The following SH3TC2 variants were observed in gnomAD, a reference collection of about 807,000 sequenced individuals.
SH3TC2 encodes SH3 domain and tetratricopeptide repeats 2, also known as SH3 domain and tetratricopeptide repeat-containing protein 2.
SH3TC2 carries 87 observed loss-of-function variants against 124.5 expected under a neutral mutation model. That is an observed-to-expected ratio of 0.70 (90% CI 0.59 to 0.84). The LOEUF (loss-of-function observed/expected upper bound fraction) is 0.84. SH3TC2 is among the 40% of genes least tolerant of loss of function. The pLI is 0.00. For missense variants in SH3TC2, 1,536 were observed against 1,566.4 expected, an observed-to-expected ratio of 0.98 and a Z score of 0.33; for synonymous variants, 634 against 628.5, an observed-to-expected ratio of 1.01 and a Z score of -0.13.
At chr5:149,052,087 G>A (rs1754566861) in intron 2 of SH3TC2, 55 bp downstream of exon 2, 12 of 1,209,502 alleles carry the variant, frequency 9.9e-6, no homozygotes, top group Non-Finnish European at 1.5e-5. Flanking sequence ...AAGATAAAGA[G>A]GTTATCGCAA....
In SH3TC2 at chr5:148,998,122, T is replaced by C. The variant is rs1436587537; in HGVS notation, c.*6589A>G. On this transcript the variant is annotated 3_prime_UTR_variant, in exon 17 of 17. Coordinates refer to ENST00000515425, the MANE Select transcript of SH3TC2 (RefSeq NM_024577.4). ...GATATTTTTTAACTAGAATAGAATG[T>C]TTTTAAAAATGAATAGAACAAAACA... Among the ~76,000 whole-genome samples the C allele has an allele frequency of 6.6e-6, 1 of 152,154 alleles. No individual in the cohort carries two copies. Among genetic ancestry groups the C allele is most frequent in the African/African-American group, 2.4e-5 (1 of 41,430 alleles).
intron 9 of SH3TC2, among the ~76,000 whole-genome samples, chr5:149,030,379 G>C (rs1754168878): frequency 1.3e-5 from 2 of 152,224 alleles, no homozygotes; most frequent in African/African-American, 4.8e-5. Flanking sequence ...CCTGATCTTT[G>C]AGTGAGAGTC....
intron 1 of SH3TC2, among the ~76,000 whole-genome samples, chr5:149,058,018 C>T (rs1754681205): frequency 6.6e-6 from 1 of 152,090 alleles, no homozygotes; most frequent in African/African-American, 2.4e-5. Context: ...GCTGTGGCAC[C>T]CACCACAAGG....
chr5:149,026,801 G>A, intron 11 of SH3TC2, 49 bp from the exon 12 acceptor site: 1 of 1,614,158 alleles, frequency 6.2e-7, no homozygotes, highest in Non-Finnish European at 8.5e-7. Flanking sequence ...ATAGGAAATG[G>A]ATAAAACTTG....
intron 1 of SH3TC2, among the ~76,000 whole-genome samples, chr5:149,060,643 C>T (rs917626851): frequency 1.3e-5 from 2 of 152,098 alleles, no homozygotes; most frequent in African/African-American, 4.8e-5. Flanking sequence ...GCAGAAGCAC[C>T]CCAGGAAACA....
At chr5:149,023,504 CT>C (rs1561762961) in intron 12 of SH3TC2, among the ~76,000 whole-genome samples, 1 of 150,586 alleles carries the variant, frequency 6.6e-6, no homozygotes, top group African/African-American at 2.5e-5. Flanking sequence ...TAAGTAGTTA[CT>C]TCAGGAAAGT....
Position 148,982,841 on chromosome 5 carries a change from A to T in SH3TC2, c.*21870T>A, listed in dbSNP as rs561317789. Among the ~76,000 whole-genome samples the T allele has an allele frequency of 6.6e-6, 1 of 152,366 alleles. No homozygotes were observed. The highest frequency in any genetic ancestry group is 1.9e-4 in the East Asian group (1 of 5,188). On this transcript the variant is annotated 3_prime_UTR_variant, in exon 17 of 17. Transcript: ENST00000515425. ...ATGAGAATTCATTATTTGTTCATAT[A>T]GATTACTTAAAAATACTTTTAAAAT...
At chr5:149,042,971 A>G in intron 4 of SH3TC2, 134 bp from the exon 5 acceptor site, 1 of 1,007,002 alleles carries the variant, frequency 9.9e-7, no homozygotes, top group Non-Finnish European at 1.5e-6. Flanking sequence ...AACTGGAATT[A>G]AAACAACATA....
chr5:149,054,015 T>C (rs1285798392), intron 1 of SH3TC2, among the ~76,000 whole-genome samples: 1 of 152,204 alleles, frequency 6.6e-6, no homozygotes, highest in Non-Finnish European at 1.5e-5. Flanking sequence ...AATAATTTAT[T>C]GTACATTTAA....
intron 9 of SH3TC2, among the ~76,000 whole-genome samples, chr5:149,030,418 C>T (rs531154762): frequency 7.9e-5 from 12 of 152,206 alleles, no homozygotes; most frequent in Non-Finnish European, 8.8e-5. Flanking sequence ...CCTCTTACAT[C>T]CTCCCCACCA....
At position 149,002,589 on chromosome 5, in the gene SH3TC2, A is replaced by G. The variant is rs1424013288; in HGVS notation, c.*2122T>C. 1 of 152,170 alleles carries G rather than the reference A, an allele frequency of 6.6e-6. No individual in the cohort carries two copies. Among genetic ancestry groups the G allele is most frequent in the East Asian group, 1.9e-4 (1 of 5,192 alleles). 9.4% of individuals were successfully genotyped at this position (152,170 alleles called of 1,614,324 possible). Reference sequence around the variant, plus strand: ...AATGGCGGCTCAACTCACCACTCCCATCTCACCCTTTCATACAACCAATCA... The same window carrying G: ...AATGGCGGCTCAACTCACCACTCCCGTCTCACCCTTTCATACAACCAATCA... On this transcript the variant is annotated 3_prime_UTR_variant, in exon 17 of 17. Transcript: ENST00000515425.
chr5:149,012,570 T>A lies in SH3TC2; in HGVS notation c.3204+14A>T. 1 of 1,614,168 alleles carries A rather than the reference T, an allele frequency of 6.2e-7. No individual in the cohort carries two copies. On this transcript the variant is annotated intron_variant, in intron 13 of 16. Coordinates refer to ENST00000515425, the MANE Select transcript of SH3TC2 (RefSeq NM_024577.4). Reference sequence around the variant, plus strand: ...CAAGTCAACAACTCCCAGAGAGCTCTGCAGGAGGCCTACCTGCAGGCACAG... The same window carrying A: ...CAAGTCAACAACTCCCAGAGAGCTCAGCAGGAGGCCTACCTGCAGGCACAG...
intron 1 of SH3TC2, 34 bp from the exon 2 acceptor site, chr5:149,052,274 G>A: frequency 2.6e-6 from 4 of 1,524,174 alleles, no homozygotes; most frequent in Non-Finnish European, 3.6e-6. Context: ...CATCTTAAGA[G>A]TGTAAGGAAG....
chr5:149,009,018 A>G lies in SH3TC2; in HGVS notation c.3328-17T>C, dbSNP rs1753738475. On this transcript the variant is annotated splice_polypyrimidine_tract_variant and intron_variant, in intron 14 of 16. Coordinates refer to ENST00000515425, the MANE Select transcript of SH3TC2 (RefSeq NM_024577.4). Reference sequence around the variant, plus strand: ...AGCTCCAGCCTAGGAACAGAAGCCCAAGGAACCTTAGTCTAGCTAGGAATC... The same window carrying G: ...AGCTCCAGCCTAGGAACAGAAGCCCGAGGAACCTTAGTCTAGCTAGGAATC... The G allele has an allele frequency of 6.2e-7, 1 of 1,614,164 alleles. No individual in the cohort carries two copies. Among genetic ancestry groups the G allele is most frequent in the Non-Finnish European group, 8.5e-7 (1 of 1,180,010 alleles).
rs1472299567 is a variant in SH3TC2 at position 149,042,767 on chromosome 5, C to G, written c.456G>C (p.Glu152Asp). Reference sequence around the variant, plus strand: ...CTACAGACACTTGGATCTCTGTATCCTCCACCAATATGCAGTTGAGCCAGT... The same window carrying G: ...CTACAGACACTTGGATCTCTGTATCGTCCACCAATATGCAGTTGAGCCAGT... ...HKYWLNCILV[E>D]DTEIQVSVDD... Residue 152 changes from glutamate (E) to aspartate (D), a missense_variant, in exon 5 of 17, where the codon GAG (glutamate) becomes GAC (aspartate). Glu to Asp is a conservative substitution (Grantham distance 45). Transcript: ENST00000515425. 2 of 1,614,124 alleles carry G rather than the reference C, an allele frequency of 1.2e-6. No individual in the cohort carries two copies. The highest frequency in any genetic ancestry group is 1.7e-6 in the Non-Finnish European group (2 of 1,179,998).
intron 8 of SH3TC2, 25 bp from the exon 9 acceptor site, chr5:149,031,712 G>T: frequency 6.2e-7 from 1 of 1,613,452 alleles, no homozygotes; most frequent in South Asian, 1.1e-5. Context: ...AAAACACAGA[G>T]ACAGATTACT....
At chr5:149,041,084 A>T (rs1302936004) in intron 6 of SH3TC2, among the ~76,000 whole-genome samples, 1 of 152,184 alleles carries the variant, frequency 6.6e-6, no homozygotes, top group East Asian at 1.9e-4. Flanking sequence ...TAAAATGAAG[A>T]TTCCTAGACT....
Position 149,041,573 on chromosome 5 carries a change from C to T in SH3TC2, c.574G>A (p.Glu192Lys), listed in dbSNP as rs755054839. 1.5e-5 allele frequency: 25 copies of T among 1,614,072 alleles called. No homozygotes were observed. In the East Asian group the frequency reaches 2.0e-4, roughly 13 times the overall value. Residue 192 changes from glutamate to lysine, a missense_variant, in exon 6 of 17, where the codon GAG (glutamate) becomes AAG (lysine). Glu to Lys is a moderately conservative substitution (Grantham distance 56). Transcript: ENST00000515425. ...AGTGTCAAGCATTCCCCTTCCTTCT[C>T]GGCTGGTGGAGTCACGGAGCACAGG... ...RALCSVTPPA[E>K]KEGECLTLCK...
Position 149,024,907 on chromosome 5 carries a change from C to T in SH3TC2, c.3053+1665G>A, listed in dbSNP as rs570591997. ...GGGTTTAGGCATCTGGAGTGGGGAG[C>T]TGGTGAGTAAAGGATGGCAGTGGAG... On this transcript the variant is annotated intron_variant, in intron 12 of 16. Coordinates refer to ENST00000515425, the MANE Select transcript of SH3TC2 (RefSeq NM_024577.4). Among the ~76,000 whole-genome samples the T allele has an allele frequency of 2.6e-5, 4 of 152,274 alleles. No individual in the cohort carries two copies. The East Asian group carries it at 7.7e-4, about 29-fold the overall frequency.
Sources: gnomAD v4.1 joint callset for allele counts (sites outside exome capture counted in the v4.1 genomes callset) on GRCh38, gnomAD v4.1.1 for gene constraint, MANE v1.5 for transcripts, NCBI Gene and HGNC (gene_info 2026-07-23, HGNC 2026-07-21) for gene names.